Variants in PALM2AKAP2 observed in about 807,000 individuals in gnomAD.
PALM2AKAP2 encodes the protein PALM2-AKAP2 fusion protein.
In PALM2AKAP2, 37 loss-of-function variants were observed where a neutral mutation model predicts 71.5. The observed-to-expected ratio is 0.52, with a 90% confidence interval of 0.40 to 0.68. The LOEUF is 0.68. PALM2AKAP2 is among the 30% of genes least tolerant of loss of function. The pLI is 0.00. For synonymous variants in PALM2AKAP2, 468 were observed against 478.8 expected (o/e 0.98, Z 0.29); for missense variants, 1,224 against 1,191.8 (o/e 1.03, Z -0.40).
intron 3 of PALM2AKAP2, among the ~76,000 whole-genome samples, chr9:110,162,666 T>C (rs1335744971): frequency 1.3e-5 from 2 of 152,180 alleles, no homozygotes; most frequent in Non-Finnish European, 2.9e-5. Flanking sequence ...TTTAAACGTG[T>C]ATTTTTATTT....
At chr9:109,746,721 A>C (rs1485852788) in intron 1 of PALM2AKAP2, among the ~76,000 whole-genome samples, 1 of 152,118 alleles carries the variant, frequency 6.6e-6, no homozygotes, top group Non-Finnish European at 1.5e-5. Flanking sequence ...GTCTCAGTGA[A>C]TCATCACCAC....
chr9:109,644,518 T>C (rs1471542326), intron 1 of PALM2AKAP2, among the ~76,000 whole-genome samples: 1 of 152,246 alleles, frequency 6.6e-6, no homozygotes, highest in Non-Finnish European at 1.5e-5. Context: ...CTTTGTCTGA[T>C]GAGAGATAGA....
chr9:110,148,157 A>G (rs1034236686), intron 2 of PALM2AKAP2, among the ~76,000 whole-genome samples: 1 of 152,208 alleles, frequency 6.6e-6, no homozygotes, highest in African/African-American at 2.4e-5. Flanking sequence ...ACTATTCACC[A>G]TAATTTTCAT....
intron 1 of PALM2AKAP2, among the ~76,000 whole-genome samples, chr9:109,658,932 T>C (rs1049085281): frequency 6.6e-6 from 1 of 152,202 alleles, no homozygotes; most frequent in Non-Finnish European, 1.5e-5. Context: ...AGGACCTTTA[T>C]GTGAAAAAAT....
chr9:109,825,945 G>C (rs10980072), intron 1 of PALM2AKAP2, among the ~76,000 whole-genome samples: 41,707 of 151,976 alleles, frequency 0.27, 5,963 homozygotes, highest in East Asian at 0.48. Context: ...TTCACAATAG[G>C]AAAGACTTGG....
chr9:109,694,021 G>T (rs993701561), intron 1 of PALM2AKAP2, among the ~76,000 whole-genome samples: 1 of 151,764 alleles, frequency 6.6e-6, no homozygotes, highest in Non-Finnish European at 1.5e-5. Context: ...CTTGTTTTCT[G>T]CTCCCCCAAT....
At chr9:109,718,068 G>A (rs746437048) in intron 1 of PALM2AKAP2, among the ~76,000 whole-genome samples, 3 of 151,822 alleles carry the variant, frequency 2.0e-5, no homozygotes, top group South Asian at 2.1e-4. Flanking sequence ...CTTATTTTTC[G>A]TTTCTTTCTT....
intron 6 of PALM2AKAP2, among the ~76,000 whole-genome samples, chr9:109,950,495 G>C (rs1177508765): frequency 6.6e-6 from 1 of 151,966 alleles, no homozygotes; most frequent in African/African-American, 2.4e-5. Context: ...GTTTCCTGAA[G>C]CTCTTCCCCT....
chr9:109,875,332 C>T (rs1265523102), intron 2 of PALM2AKAP2, among the ~76,000 whole-genome samples: 3 of 152,202 alleles, frequency 2.0e-5, no homozygotes, highest in Non-Finnish European at 4.4e-5. Context: ...GTCCTGTCTA[C>T]CTCTTCCTAG....
intron 1 of PALM2AKAP2, among the ~76,000 whole-genome samples, chr9:109,644,814 G>T (rs2132227256): frequency 6.6e-6 from 1 of 152,276 alleles, no homozygotes; most frequent in Middle Eastern, 3.4e-3. Flanking sequence ...CATAACAAGA[G>T]TCACCTTTGC....
At chr9:109,786,593 A>G (rs1371037626) in intron 1 of PALM2AKAP2, among the ~76,000 whole-genome samples, 1 of 152,218 alleles carries the variant, frequency 6.6e-6, no homozygotes, top group East Asian at 1.9e-4. Context: ...GAAGCTGCCC[A>G]CTGGATAGGT....
chr9:109,781,777 G>A (rs1269178131), intron 1 of PALM2AKAP2, among the ~76,000 whole-genome samples: 1 of 152,192 alleles, frequency 6.6e-6, no homozygotes, highest in African/African-American at 2.4e-5. Context: ...ATCTTTGAAC[G>A]TGGTGCTCTG....
At chr9:109,691,343 T>A (rs1827881696) in intron 1 of PALM2AKAP2, among the ~76,000 whole-genome samples, 1 of 152,108 alleles carries the variant, frequency 6.6e-6, no homozygotes, top group Admixed American at 6.5e-5. Flanking sequence ...CTTTGAATAT[T>A]CTACCTATGT....
rs260216 is a variant in PALM2AKAP2 at position 110,050,461 on chromosome 9, T to C, written c.156+1606T>C. 9.7e-3 allele frequency among the ~76,000 whole-genome samples: 1,474 copies of C among 152,322 alleles called. 29 individuals are homozygous for C. The highest frequency in any genetic ancestry group is 0.062 in the East Asian group (324 of 5,190). The stretch of plus-strand genomic sequence containing the variant: ...TTCCCCAACATTCATGAATACAATT[T>C]CATAATAATATGTCTAGAAATGAGG... On this transcript the variant is annotated intron_variant, in intron 1 of 3. Coordinates refer to ENST00000374525, the Ensembl canonical transcript of PALM2AKAP2.
At chr9:110,012,540 C>A (rs1017524219) in intron 6 of PALM2AKAP2, among the ~76,000 whole-genome samples, 1 of 151,966 alleles carries the variant, frequency 6.6e-6, no homozygotes, top group Non-Finnish European at 1.5e-5. Flanking sequence ...TTTAAAATAA[C>A]ATTTCTGTTC....
chr9:110,117,770 T>C (rs573263975), intron 1 of PALM2AKAP2, among the ~76,000 whole-genome samples: 2 of 152,114 alleles, frequency 1.3e-5, no homozygotes, highest in South Asian at 4.2e-4. Flanking sequence ...CTCTTCAAGG[T>C]CCCATCTCTC....
intron 1 of PALM2AKAP2, among the ~76,000 whole-genome samples, chr9:109,829,527 A>T (rs1340906531): frequency 1.3e-5 from 2 of 152,102 alleles, no homozygotes; most frequent in Non-Finnish European, 2.9e-5. Flanking sequence ...AATAGAGGAT[A>T]AAAACAGATT....
chr9:109,950,258 A>G (rs1831605427), intron 6 of PALM2AKAP2, among the ~76,000 whole-genome samples: 1 of 151,916 alleles, frequency 6.6e-6, no homozygotes, highest in South Asian at 2.1e-4. Flanking sequence ...TCACCACTCC[A>G]TTCCAGCCTG....
At chr9:109,660,869 T>G (rs546922424) in intron 1 of PALM2AKAP2, among the ~76,000 whole-genome samples, 2 of 152,322 alleles carry the variant, frequency 1.3e-5, no homozygotes, top group Admixed American at 6.5e-5. Flanking sequence ...CTAACTGGCA[T>G]GAGATGGTAT....
Sources: gnomAD v4.1 joint callset for allele counts (sites outside exome capture counted in the v4.1 genomes callset) on GRCh38, gnomAD v4.1.1 for gene constraint, MANE v1.5 for transcripts, NCBI Gene and HGNC (gene_info 2026-07-23, HGNC 2026-07-21) for gene names.